PPFIA3: variants seen among roughly 807,000 people sequenced by gnomAD.
The protein encoded by PPFIA3 is PPFI scaffold protein A3, also known as liprin-alpha-3.
In PPFIA3, 26 loss-of-function variants were observed where a neutral mutation model predicts 145.8. That is an observed-to-expected ratio of 0.18 (90% CI 0.13 to 0.25). The LOEUF (loss-of-function observed/expected upper bound fraction) is 0.25. Among genes scored for constraint, PPFIA3 ranks in the 10% least tolerant of loss-of-function variants. The pLI, the probability that PPFIA3 is intolerant of heterozygous loss-of-function variation, is 1.00. For synonymous variants in PPFIA3, 645 were observed against 661.4 expected (o/e 0.98, Z 0.38); for missense variants, 1,008 against 1,587.8 (o/e 0.63, Z 6.21).
chr19:49,148,323 A>G (rs1408217079), intron 24 of PPFIA3, 65 bp downstream of exon 24: 3 of 1,526,764 alleles, frequency 2.0e-6, no homozygotes, highest in Non-Finnish European at 2.6e-6. Flanking sequence ...GTCTTTGGCC[A>G]ATAGGATTGG....
intron 21 of PPFIA3, 82 bp from the exon 22 acceptor site, chr19:49,145,861 A>G: frequency 8.0e-7 from 1 of 1,252,846 alleles, no homozygotes; most frequent in Non-Finnish European, 1.2e-6. Context: ...CGTGTGGCCC[A>G]GGGCCTTCAG....
rs373922193 is a variant in PPFIA3 at position 49,138,581 on chromosome 19, G to A, written c.2076+154G>A. Among the ~76,000 whole-genome samples the A allele has an allele frequency of 1.4e-4, 22 of 152,350 alleles. No individual in the cohort carries two copies. In the East Asian group the frequency reaches 2.3e-3, roughly 16 times the overall value. ...AGGTTCAAACTCAAAGGGCAAAGGGGAGGCTGAGTCACTGGGATCTTGAAC... is the reference window on the plus strand; with the variant it reads ...AGGTTCAAACTCAAAGGGCAAAGGGAAGGCTGAGTCACTGGGATCTTGAAC... On this transcript the variant is annotated intron_variant, in intron 16 of 29. Transcript: ENST00000334186.
rs1355765550 is a variant in PPFIA3 at position 49,120,213 on chromosome 19, C to T, written c.-16+491C>T. 6.6e-6 allele frequency among the ~76,000 whole-genome samples: 1 copy of T among 152,000 alleles called. No individual in the cohort carries two copies. The highest frequency in any genetic ancestry group is 1.5e-5 in the Non-Finnish European group (1 of 67,936). On this transcript the variant is annotated intron_variant, in intron 1 of 29. Transcript: ENST00000334186. This position sits in a 1 kb window ranked among gnomAD's most constrained non-coding sequence, Gnocchi z 4.6. ...TGGAGCTGTCCATGGTCAGCGCGCT[C>T]GGCAGCCTCGCCTCCCCCCACCTCC...
intron 19 of PPFIA3, 53 bp downstream of exon 19, chr19:49,141,566 G>T (rs1180273144): frequency 2.8e-6 from 4 of 1,440,220 alleles, no homozygotes; most frequent in Non-Finnish European, 3.8e-6. Context: ...GTGAGAGTGT[G>T]TGAGGGTGTG....
At position 49,128,659 on chromosome 19, in the gene PPFIA3, A is replaced by G; in HGVS notation, c.343-189A>G. 1.3e-6 allele frequency: 1 copy of G among 751,636 alleles called. No individual in the cohort carries two copies. Among genetic ancestry groups the G allele is most frequent in the East Asian group, 2.7e-5 (1 of 36,950 alleles). The allele number at this position is 751,636 out of a possible 1,614,324, so 46.6% of individuals were successfully genotyped here. On this transcript the variant is annotated intron_variant, in intron 3 of 29. Transcript: ENST00000334186. The surrounding 1 kb of genome is among the most constrained non-coding windows in gnomAD (Gnocchi z 4.1). Reference sequence around the variant, plus strand: ...GTGCCACTCCTTCCTCCCTGTCTCCATAACTTTTCTCTTTTCTGTACCACC... The same window carrying G: ...GTGCCACTCCTTCCTCCCTGTCTCCGTAACTTTTCTCTTTTCTGTACCACC...
intron 20 of PPFIA3, 93 bp downstream of exon 20, chr19:49,142,208 C>A: frequency 8.1e-7 from 1 of 1,239,162 alleles, no homozygotes; most frequent in Non-Finnish European, 1.1e-6. Flanking sequence ...GCGCACCCTG[C>A]TTCTAGCCCA....
chr19:49,120,469 C>G lies in PPFIA3; in HGVS notation c.-16+747C>G, dbSNP rs774040666. Among the ~76,000 whole-genome samples, 1 of 152,132 alleles carries G rather than the reference C, an allele frequency of 6.6e-6. No individual in the cohort carries two copies. Among genetic ancestry groups the G allele is most frequent in the Non-Finnish European group, 1.5e-5 (1 of 67,998 alleles). On this transcript the variant is annotated intron_variant, in intron 1 of 29. Coordinates refer to ENST00000334186, the MANE Select transcript of PPFIA3 (RefSeq NM_003660.4). The surrounding 1 kb of genome is among the most constrained non-coding windows in gnomAD (Gnocchi z 4.6). ...TGGTCGCCGTGGGGACCATGGCACC[C>G]GGGGATGCAGCTCCCACCCCGTTCG...
chr19:49,136,975 C>A, intron 15 of PPFIA3, 64 bp downstream of exon 15: 1 of 1,398,444 alleles, frequency 7.2e-7, no homozygotes, highest in Non-Finnish European at 9.4e-7. Context: ...GCCCTTCTGG[C>A]TCTGGAGGCC....
Position 49,149,615 on chromosome 19 carries a change from C to T in PPFIA3, c.3423C>T (p.Gly1141=). 1.9e-6 allele frequency: 3 copies of T among 1,614,208 alleles called. No individual in the cohort carries two copies. Among genetic ancestry groups the T allele is most frequent in the African/African-American group, 1.3e-5 (1 of 75,056 alleles). The part of the protein sequence containing the change: ...RKMFREKDLR[G]VTPDSAEMLP... The stretch of plus-strand genomic sequence containing the variant: ...TGTTCCGGGAGAAGGACCTCCGAGG[C>T]GTAACTCCCGACTCAGCTGAGATGT... Residue 1141 remains glycine, a synonymous_variant, in exon 28 of 30, where the codon GGC becomes GGT. Coordinates refer to ENST00000334186, the MANE Select transcript of PPFIA3 (RefSeq NM_003660.4). This position sits in a 1 kb window ranked among gnomAD's most constrained non-coding sequence, Gnocchi z 5.7.
chr19:49,133,209 C>T lies in PPFIA3; in HGVS notation c.1027-28C>T. On this transcript the variant is annotated intron_variant, in intron 8 of 29. Transcript: ENST00000334186. This position sits in a 1 kb window ranked among gnomAD's most constrained non-coding sequence, Gnocchi z 7.2. The stretch of plus-strand genomic sequence containing the variant: ...CCGGGGCCCAAGTGACCCAGCCCGT[C>T]CCCTCCCCCTGCCTCTCCCTCCCCC... 1 of 1,589,402 alleles carries T rather than the reference C, an allele frequency of 6.3e-7. No homozygotes were observed. Among genetic ancestry groups the T allele is most frequent in the Non-Finnish European group, 8.6e-7 (1 of 1,165,654 alleles).
In PPFIA3 at chr19:49,139,950, T is replaced by G. The variant is rs1299591106; in HGVS notation, c.2241-11T>G. On this transcript the variant is annotated splice_polypyrimidine_tract_variant and intron_variant, in intron 17 of 29. Coordinates refer to ENST00000334186, the MANE Select transcript of PPFIA3 (RefSeq NM_003660.4). ...GCAAGCATATGCTCTCATTCTCTCC[T>G]GCTTTCCCAGTGAGGGCACCCCAGA... 1 of 1,614,034 alleles carries G rather than the reference T, an allele frequency of 6.2e-7. No individual in the cohort carries two copies. The highest frequency in any genetic ancestry group is 8.5e-7 in the Non-Finnish European group (1 of 1,180,038).
chr19:49,135,905 C>A lies in PPFIA3; in HGVS notation c.1647C>A (p.Val549=), dbSNP rs2122587922. The A allele has an allele frequency of 6.2e-7, 1 of 1,612,086 alleles. No homozygotes were observed. The highest frequency in any genetic ancestry group is 1.7e-4 in the Middle Eastern group (1 of 6,024). Residue 549 remains valine (V), a synonymous_variant, in exon 14 of 30, where the codon GTC becomes GTA. Transcript: ENST00000334186. ...GCAAGAGGGGCCGCTGGTCAGGGGT[C>A]AAGGAGGAGCCCTCCAAGGTCAGCA... The part of the protein sequence containing the change: ...RAGKRGRWSG[V]KEEPSKDWER...
chr19:49,134,242 T>G (rs1475414803), intron 11 of PPFIA3, 77 bp downstream of exon 11: 1 of 1,524,482 alleles, frequency 6.6e-7, no homozygotes, highest in East Asian at 2.3e-5. Context: ...CCCCAGGCCT[T>G]TCCCTCAGAT....
chr19:49,146,474 TC>T, intron 23 of PPFIA3: 1 of 529,730 alleles, frequency 1.9e-6, no homozygotes, highest in Non-Finnish European at 3.4e-6. Flanking sequence ...ATTCTGTAGC[TC>T]AGGAGAGACT....
At chr19:49,122,976 C>T (rs1390533197) in intron 1 of PPFIA3, among the ~76,000 whole-genome samples, 2 of 151,976 alleles carry the variant, frequency 1.3e-5, no homozygotes, top group Non-Finnish European at 2.9e-5. Flanking sequence ...CTGCCTCTGC[C>T]TCCCAAAGTG....
chr19:49,134,006 A>G (rs1461024100), intron 10 of PPFIA3, 28 bp from the exon 11 acceptor site: 3 of 1,606,860 alleles, frequency 1.9e-6, no homozygotes, highest in Non-Finnish European at 2.6e-6. Context: ...GGTGGGCTTA[A>G]CAACCCGCCC....
At position 49,134,967 on chromosome 19, in the gene PPFIA3, C is replaced by T. The variant is rs371059547; in HGVS notation, c.1520+52C>T. 2.1e-5 allele frequency: 30 copies of T among 1,448,180 alleles called. No homozygotes were observed. In the East Asian group the frequency reaches 2.6e-4, roughly 12 times the overall value. 89.7% of individuals were successfully genotyped at this position (1,448,180 alleles called of 1,614,324 possible). ...CCACCATGGAGCCCCGTTGGCCAAG[C>T]GCCAAGCTCCTCCCTTCTGATCCCC... On this transcript the variant is annotated intron_variant, in intron 13 of 29. Coordinates refer to ENST00000334186, the MANE Select transcript of PPFIA3 (RefSeq NM_003660.4).
rs937777150 is a variant in PPFIA3 at position 49,138,138 on chromosome 19, C to G, written c.1854-67C>G. ...CACCAGGCCTTTCTGGCCCATTGTG[C>G]TCCCAGATTCCCTCTCCCGCTGTCT... On this transcript the variant is annotated intron_variant, in intron 15 of 29. Transcript: ENST00000334186. 5 of 1,462,468 alleles carry G rather than the reference C, an allele frequency of 3.4e-6. No individual in the cohort carries two copies. In the African/African-American group the frequency reaches 5.7e-5, roughly 17 times the overall value. 90.6% of individuals were successfully genotyped at this position (1,462,468 alleles called of 1,614,324 possible). A position where few individuals can be genotyped will look rare whatever the true frequency, so the allele number is the denominator to read the frequency against.
Position 49,133,040 on chromosome 19 carries a change from A to G in PPFIA3, c.919A>G (p.Thr307Ala). The change falls in exon 8 of 30, where the codon ACA becomes GCA. Residue 307 changes from threonine to alanine, a missense_variant. Physicochemically the swap from Thr to Ala is moderately conservative, Grantham distance 58. Coordinates refer to ENST00000334186, the MANE Select transcript of PPFIA3 (RefSeq NM_003660.4). The surrounding 1 kb of genome is among the most constrained non-coding windows in gnomAD (Gnocchi z 7.2). ...QREDMEERIT[T>A]LEKRYLSAQR... is the part of the protein sequence containing the mutation. ...GGAAGATATGGAGGAGCGGATTACAACACTGGAGAAGCGCTACCTGAGCGC... is the reference window on the plus strand; with the variant it reads ...GGAAGATATGGAGGAGCGGATTACAGCACTGGAGAAGCGCTACCTGAGCGC... 6.2e-7 allele frequency: 1 copy of G among 1,612,738 alleles called. No individual in the cohort carries two copies. The highest frequency in any genetic ancestry group is 1.1e-5 in the South Asian group (1 of 91,002).
Sources: gnomAD v4.1 joint callset for allele counts (sites outside exome capture counted in the v4.1 genomes callset) on GRCh38, gnomAD v4.1.1 for gene constraint, Gnocchi (gnomAD v3.1) non-coding constraint, MANE v1.5 for transcripts, NCBI Gene and HGNC (gene_info 2026-07-23, HGNC 2026-07-21) for gene names.